Variants in RASGRF2 observed in about 807,000 individuals in gnomAD.
The protein encoded by RASGRF2 is Ras protein specific guanine nucleotide releasing factor 2.
In RASGRF2, 76 loss-of-function variants were observed where a neutral mutation model predicts 151.0. The observed-to-expected ratio is 0.50, with a 90% CI of 0.42 to 0.61. RASGRF2 has a LOEUF of 0.61. RASGRF2 is among the 20% of genes least tolerant of loss of function. RASGRF2 has a pLI of 0.00. For missense variants in RASGRF2, 1,148 were observed against 1,564.6 expected, an observed-to-expected ratio of 0.73 and a Z score of 4.49; for synonymous variants, 504 against 566.5, an observed-to-expected ratio of 0.89 and a Z score of 1.57.
chr5:81,087,173 G>C, intron 9 of RASGRF2: 2 of 702,912 alleles, frequency 2.8e-6, no homozygotes, highest in Non-Finnish European at 5.2e-6. Flanking sequence ...CACGAGTGGG[G>C]CAGGCAGTTA....
At chr5:81,214,432 A>G (rs1475055179) in intron 23 of RASGRF2, among the ~76,000 whole-genome samples, 1 of 152,168 alleles carries the variant, frequency 6.6e-6, no homozygotes. Context: ...CATCCGCTGT[A>G]CAGCTGTCCC....
At chr5:81,099,523 C>A (rs1483569579) in intron 12 of RASGRF2, among the ~76,000 whole-genome samples, 1 of 152,162 alleles carries the variant, frequency 6.6e-6, no homozygotes, top group South Asian at 2.1e-4. Context: ...AAAGCCTGAT[C>A]ACTCTCCTTA....
chr5:81,204,141 G>C (rs984114413), intron 19 of RASGRF2: 2 of 152,226 alleles, frequency 1.3e-5, no homozygotes, highest in Admixed American at 6.5e-5. Flanking sequence ...TGATACTGCT[G>C]ATAGACGTGG....
At chr5:81,139,174 T>C (rs532707963) in intron 17 of RASGRF2, among the ~76,000 whole-genome samples, 1 of 152,280 alleles carries the variant, frequency 6.6e-6, no homozygotes, top group South Asian at 2.1e-4. Flanking sequence ...AATAGAATTG[T>C]TTCCTTTTAT....
intron 17 of RASGRF2, among the ~76,000 whole-genome samples, chr5:81,140,909 A>G (rs1348145728): frequency 3.9e-5 from 6 of 152,030 alleles, no homozygotes; most frequent in African/African-American, 1.4e-4. Context: ...CCATGTTTGA[A>G]GGACACAGCC....
chr5:81,208,014 T>C (rs1433595483), intron 21 of RASGRF2, among the ~76,000 whole-genome samples: 2 of 152,224 alleles, frequency 1.3e-5, no homozygotes, highest in African/African-American at 2.4e-5. Context: ...CCTGGGAAAA[T>C]AGTCTTGATT....
intron 26 of RASGRF2, 99 bp from the exon 27 acceptor site, chr5:81,225,576 AGTT>A (rs1465077176): frequency 1.5e-6 from 2 of 1,367,126 alleles, no homozygotes; most frequent in Non-Finnish European, 1.9e-6. Context: ...TAAGATTTTT[AGTT>A]GTTTAAGAGA....
intron 1 of RASGRF2, among the ~76,000 whole-genome samples, chr5:81,032,014 A>G (rs949305188): frequency 6.6e-6 from 1 of 152,224 alleles, no homozygotes; most frequent in Non-Finnish European, 1.5e-5. Context: ...AGAGAATACT[A>G]TAAACACCTC....
intron 17 of RASGRF2, among the ~76,000 whole-genome samples, chr5:81,131,950 T>G (rs1177750076): frequency 6.6e-5 from 10 of 152,242 alleles, no homozygotes. Flanking sequence ...CTGTTTATAG[T>G]GTTTCTCTGA....
chr5:81,076,856 G>T (rs937880014), intron 5 of RASGRF2, among the ~76,000 whole-genome samples: 2 of 152,236 alleles, frequency 1.3e-5, no homozygotes, highest in Non-Finnish European at 2.9e-5. Context: ...TTAGGCTAGT[G>T]GTTGTGACTT....
At chr5:81,198,946 A>G (rs1188261730) in intron 18 of RASGRF2, among the ~76,000 whole-genome samples, 6 of 152,202 alleles carry the variant, frequency 3.9e-5, no homozygotes, top group Non-Finnish European at 7.3e-5. Context: ...GCTGAGTCAA[A>G]TGGTAGTTCT....
At chr5:81,029,042 C>T (rs1435151808) in intron 1 of RASGRF2, among the ~76,000 whole-genome samples, 1 of 152,206 alleles carries the variant, frequency 6.6e-6, no homozygotes, top group Non-Finnish European at 1.5e-5. Context: ...CACGGAGCCT[C>T]GCTCACTGCT....
chr5:81,020,528 C>T (rs962225419), intron 1 of RASGRF2, among the ~76,000 whole-genome samples: 16 of 152,120 alleles, frequency 1.1e-4, no homozygotes, highest in African/African-American at 3.9e-4. Context: ...TTTCTGTGTG[C>T]CTGGCAAAGT....
chr5:81,186,650 CAAAT>C (rs1369334458), intron 18 of RASGRF2, among the ~76,000 whole-genome samples: 2 of 152,264 alleles, frequency 1.3e-5, no homozygotes, highest in East Asian at 1.9e-4. Flanking sequence ...ACACAATTAA[CAAAT>C]AAATATAGTC....
At chr5:81,019,560 A>G (rs1046872065) in intron 1 of RASGRF2, 1 of 152,218 alleles carries the variant, frequency 6.6e-6, no homozygotes, top group Admixed American at 6.5e-5. Flanking sequence ...CGAGGCTTTC[A>G]TTCTCTTTAT....
chr5:81,130,356 C>T (rs780787269), intron 17 of RASGRF2, among the ~76,000 whole-genome samples: 2 of 152,174 alleles, frequency 1.3e-5, no homozygotes, highest in Non-Finnish European at 2.9e-5. Flanking sequence ...CAACAGTGCC[C>T]ATGGCTCTGC....
chr5:81,030,280 A>T (rs191611006), intron 1 of RASGRF2, among the ~76,000 whole-genome samples: 1 of 152,162 alleles, frequency 6.6e-6, no homozygotes, highest in Non-Finnish European at 1.5e-5. Context: ...CCAACATTCA[A>T]ATTCAGGAAA....
At chr5:81,171,547 GTT>G (rs35044396) in intron 17 of RASGRF2, among the ~76,000 whole-genome samples, 4 of 64,040 alleles carry the variant, frequency 6.2e-5, no homozygotes, top group East Asian at 7.1e-4. Context: ...TTCCTTTTGT[GTT>G]TGTGTGTGTG....
chr5:80,988,008 CGTGTGT>C (rs58750663), intron 1 of RASGRF2, among the ~76,000 whole-genome samples: 49,951 of 139,228 alleles, frequency 0.36, 8,766 homozygotes, highest in East Asian at 0.65. Flanking sequence ...AATAAATGTG[CGTGTGT>C]GTGTGTGTGT....
Sources: gnomAD v4.1 joint callset for allele counts (sites outside exome capture counted in the v4.1 genomes callset) on GRCh38, gnomAD v4.1.1 for gene constraint, MANE v1.5 for transcripts, NCBI Gene and HGNC (gene_info 2026-07-23, HGNC 2026-07-21) for gene names.